Variants in ADAMTS3 observed in about 807,000 individuals in gnomAD.
The protein encoded by ADAMTS3 is ADAM metallopeptidase with thrombospondin type 1 motif 3.
ADAMTS3 carries 73 observed loss-of-function variants against 129.0 expected under a neutral mutation model. That is an observed-to-expected ratio of 0.57 (90% confidence interval 0.47 to 0.69). ADAMTS3 has a LOEUF of 0.69. ADAMTS3 is among the 30% of genes least tolerant of loss of function. The pLI, the probability that ADAMTS3 is intolerant of heterozygous loss-of-function variation, is 0.00. For synonymous variants in ADAMTS3, 477 were observed against 510.8 expected, an observed-to-expected ratio of 0.93 and a Z score of 0.89; for missense variants, 1,457 against 1,514.5, an observed-to-expected ratio of 0.96 and a Z score of 0.63.
intron 3 of ADAMTS3, among the ~76,000 whole-genome samples, chr4:72,466,768 C>T (rs1273381149): frequency 6.6e-6 from 1 of 151,950 alleles, no homozygotes; most frequent in African/African-American, 2.4e-5. Flanking sequence ...TCCATTTATA[C>T]TCATCGCTTC....
intron 4 of ADAMTS3, among the ~76,000 whole-genome samples, chr4:72,358,936 G>A (rs1720650171): frequency 6.6e-6 from 1 of 151,844 alleles, no homozygotes; most frequent in Non-Finnish European, 1.5e-5. Context: ...ACTTACCTAG[G>A]CTGAGTGAAA....
At chr4:72,332,139 G>A (rs1369845702) in intron 5 of ADAMTS3, among the ~76,000 whole-genome samples, 1 of 152,152 alleles carries the variant, frequency 6.6e-6, no homozygotes, top group African/African-American at 2.4e-5. Flanking sequence ...ACTCAAAACA[G>A]AAAACTGCTA....
chr4:72,342,405 C>T (rs1291494154), intron 4 of ADAMTS3, among the ~76,000 whole-genome samples: 6 of 148,082 alleles, frequency 4.1e-5, no homozygotes, highest in Non-Finnish European at 7.4e-5. Context: ...ACTCTGTCAC[C>T]CAGGCTGGAG....
intron 4 of ADAMTS3, among the ~76,000 whole-genome samples, chr4:72,348,359 A>G (rs1310046631): frequency 6.6e-6 from 1 of 152,124 alleles, no homozygotes; most frequent in Non-Finnish European, 1.5e-5. Context: ...AGTAAGCCAC[A>G]CAAATATCAA....
intron 3 of ADAMTS3, chr4:72,442,138 T>C (rs1718134869): frequency 6.6e-6 from 1 of 151,816 alleles, no homozygotes. Context: ...CATGCACATG[T>C]TTGGCACCTG....
At chr4:72,535,869 TTACC>T (rs1721174021) in intron 3 of ADAMTS3, among the ~76,000 whole-genome samples, 1 of 152,186 alleles carries the variant, frequency 6.6e-6, no homozygotes, top group African/African-American at 2.4e-5. Flanking sequence ...ATAAAACCCT[TTACC>T]TTCTATCCCA....
At chr4:72,456,798 G>C (rs914014749) in intron 3 of ADAMTS3, among the ~76,000 whole-genome samples, 1 of 151,414 alleles carries the variant, frequency 6.6e-6, no homozygotes, top group Non-Finnish European at 1.5e-5. Context: ...CTTTACATTT[G>C]TGTGTTTGCA....
chr4:72,435,649 A>C (rs969875247), intron 3 of ADAMTS3, among the ~76,000 whole-genome samples: 2 of 151,926 alleles, frequency 1.3e-5, no homozygotes, highest in African/African-American at 4.8e-5. Flanking sequence ...GCAGTGGTAA[A>C]ACAGAGATAT....
chr4:72,392,419 A>T (rs1188819171), intron 4 of ADAMTS3, among the ~76,000 whole-genome samples: 4 of 152,064 alleles, frequency 2.6e-5, no homozygotes, highest in Non-Finnish European at 5.9e-5. Context: ...CTACATATTT[A>T]AAAAAAATCC....
intron 4 of ADAMTS3, among the ~76,000 whole-genome samples, chr4:72,401,396 G>T (rs1169597437): frequency 6.6e-6 from 1 of 151,204 alleles, no homozygotes; most frequent in Non-Finnish European, 1.5e-5. Flanking sequence ...GTGAAACCCC[G>T]TCTCTACTAA....
chr4:72,424,698 GA>G (rs11479492), intron 3 of ADAMTS3, among the ~76,000 whole-genome samples: 101,354 of 151,576 alleles, frequency 0.67, 34,052 homozygotes, highest in South Asian at 0.79. Context: ...AGTCTTGGGG[GA>G]AAAAAAATCA....
At chr4:72,308,211 A>T (rs926121157) in intron 15 of ADAMTS3, among the ~76,000 whole-genome samples, 1 of 151,992 alleles carries the variant, frequency 6.6e-6, no homozygotes, top group African/African-American at 2.4e-5. Context: ...TTAATAATGC[A>T]ATCAGTCAGA....
rs549350880 is a variant in ADAMTS3 at position 72,505,763 on chromosome 4, G to A, written c.504+42715C>T. ...GGGGCAGCCTAGACTTCTAATCCTGGAAAGTGGACACTCCAGATGGCTGTA... is the reference window on the plus strand; with the variant it reads ...GGGGCAGCCTAGACTTCTAATCCTGAAAAGTGGACACTCCAGATGGCTGTA... On this transcript the variant is annotated intron_variant, in intron 3 of 21. Coordinates refer to ENST00000286657, the MANE Select transcript of ADAMTS3 (RefSeq NM_014243.3). 3.3e-5 allele frequency among the ~76,000 whole-genome samples: 5 copies of A among 152,332 alleles called. No homozygotes were observed. The East Asian group carries it at 7.7e-4, about 24-fold the overall frequency.
intron 3 of ADAMTS3, among the ~76,000 whole-genome samples, chr4:72,533,181 A>G (rs761272971): frequency 2.1e-4 from 32 of 152,174 alleles, no homozygotes; most frequent in Non-Finnish European, 4.3e-4. Context: ...CTATTCTATA[A>G]GGCTTGTCTA....
In ADAMTS3 at chr4:72,282,852, C is replaced by T. The variant is rs1053406155; in HGVS notation, c.*284G>A. 2 of 241,662 alleles carry T rather than the reference C, an allele frequency of 8.3e-6. No homozygotes were observed. Among genetic ancestry groups the T allele is most frequent in the Non-Finnish European group, 1.6e-5 (2 of 125,998 alleles). The allele number at this position is 241,662 out of a possible 1,614,324, so 15.0% of individuals were successfully genotyped here. A position where few individuals can be genotyped will look rare whatever the true frequency, so the allele number is the denominator to read the frequency against. ...CTGATATGCACAATTGGTTCCAGTC[C>T]CTTTTCTGCTTCAGAGAGCGACCAA... is the stretch of plus-strand genomic sequence containing the variant. On this transcript the variant is annotated 3_prime_UTR_variant, in exon 22 of 22. Transcript: ENST00000286657.
At chr4:72,385,875 T>G (rs1346291394) in intron 4 of ADAMTS3, among the ~76,000 whole-genome samples, 1 of 152,074 alleles carries the variant, frequency 6.6e-6, no homozygotes, top group Admixed American at 6.6e-5. Flanking sequence ...AAAAATTAAT[T>G]ATAAAATAAA....
At chr4:72,512,230 C>T (rs1720335374) in intron 3 of ADAMTS3, among the ~76,000 whole-genome samples, 1 of 152,094 alleles carries the variant, frequency 6.6e-6, no homozygotes, top group Non-Finnish European at 1.5e-5. Context: ...AATCCCTGCA[C>T]TTTGGGAGGC....
At chr4:72,302,315 A>T (rs1718972193) in intron 17 of ADAMTS3, among the ~76,000 whole-genome samples, 1 of 151,758 alleles carries the variant, frequency 6.6e-6, no homozygotes, top group Non-Finnish European at 1.5e-5. Context: ...AAAAAAAAAA[A>T]AGAACCAAAT....
At chr4:72,500,598 C>G (rs1423915443) in intron 3 of ADAMTS3, among the ~76,000 whole-genome samples, 1 of 152,090 alleles carries the variant, frequency 6.6e-6, no homozygotes, top group Admixed American at 6.6e-5. Context: ...TTTTGCTGTA[C>G]AGAAAAGCTC....
Sources: gnomAD v4.1 joint callset for allele counts (sites outside exome capture counted in the v4.1 genomes callset) on GRCh38, gnomAD v4.1.1 for gene constraint, MANE v1.5 for transcripts, NCBI Gene and HGNC (gene_info 2026-07-23, HGNC 2026-07-21) for gene names.